The following LIPC variants were observed in gnomAD, a reference collection of about 807,000 sequenced individuals.
LIPC encodes hepatic triacylglycerol lipase.
In LIPC, 44 loss-of-function variants were observed where a neutral mutation model predicts 50.7. The ratio of observed to expected loss-of-function variants is 0.87; its 90% CI spans 0.68 to 1.11. The LOEUF (loss-of-function observed/expected upper bound fraction) is 1.11. Ranked by LOEUF, LIPC falls within the 50% of genes most tolerant of loss-of-function variation. LIPC has a pLI of 0.00. For synonymous variants in LIPC, 271 were observed against 256.4 expected, an observed-to-expected ratio of 1.06 and a Z score of -0.54; for missense variants, 697 against 648.2, an observed-to-expected ratio of 1.08 and a Z score of -0.82.
chr15:58,453,160 T>A (rs1893974294), intron 1 of LIPC, among the ~76,000 whole-genome samples: 1 of 151,986 alleles, frequency 6.6e-6, no homozygotes, highest in African/African-American at 2.4e-5. Context: ...GTATTTCTTC[T>A]CCCCGCTTGG....
intron 6 of LIPC, among the ~76,000 whole-genome samples, chr15:58,550,619 G>C (rs939165285): frequency 6.6e-6 from 1 of 152,060 alleles, no homozygotes; most frequent in Non-Finnish European, 1.5e-5. Context: ...AGGGGGCTCG[G>C]TGGAGACTAA....
chr15:58,542,260 C>G (rs1242753700), intron 3 of LIPC, among the ~76,000 whole-genome samples: 3 of 152,162 alleles, frequency 2.0e-5, no homozygotes, highest in African/African-American at 7.2e-5. Context: ...AGCTATCAAG[C>G]CCCCACACAA....
At chr15:58,530,253 G>A (rs181989272) in intron 1 of LIPC, among the ~76,000 whole-genome samples, 331 of 152,322 alleles carry the variant, frequency 2.2e-3, no homozygotes, top group Non-Finnish European at 3.8e-3. Context: ...CGGCCTGAAG[G>A]AATCAGGGAA....
At chr15:58,505,276 C>T (rs772150454) in intron 1 of LIPC, among the ~76,000 whole-genome samples, 18 of 152,248 alleles carry the variant, frequency 1.2e-4, no homozygotes, top group Non-Finnish European at 2.4e-4. Context: ...CATATGGTCC[C>T]AGCCCCCCTA....
chr15:58,494,527 C>A (rs1891700517), intron 1 of LIPC, among the ~76,000 whole-genome samples: 1 of 152,156 alleles, frequency 6.6e-6, no homozygotes, highest in African/African-American at 2.4e-5. Flanking sequence ...GTGCATTGAA[C>A]AAAGGGAAGT....
intron 1 of LIPC, among the ~76,000 whole-genome samples, chr15:58,433,332 T>C (rs1160726918): frequency 4.6e-5 from 7 of 152,248 alleles, no homozygotes; most frequent in Non-Finnish European, 1.0e-4. Flanking sequence ...AAAGGGCCTC[T>C]ATCATAAATC....
intron 3 of LIPC, among the ~76,000 whole-genome samples, chr15:58,542,333 C>T (rs1366183734): frequency 6.6e-6 from 1 of 152,200 alleles, no homozygotes; most frequent in African/African-American, 2.4e-5. Context: ...CAGGAGGCTG[C>T]AGCTACAAGG....
intron 1 of LIPC, chr15:58,435,175 T>A (rs548300485): frequency 6.6e-6 from 1 of 152,226 alleles, no homozygotes; most frequent in African/African-American, 2.4e-5. Flanking sequence ...ATTTTCCAAA[T>A]AAGTTTTAAA....
intron 1 of LIPC, among the ~76,000 whole-genome samples, chr15:58,479,917 T>G (rs577551940): frequency 1.3e-5 from 2 of 152,276 alleles, no homozygotes; most frequent in African/African-American, 2.4e-5. Context: ...GGGCCTCAGT[T>G]TGCTTCTCTG....
chr15:58,525,464 T>C (rs560662971), intron 1 of LIPC, among the ~76,000 whole-genome samples: 1 of 152,352 alleles, frequency 6.6e-6, no homozygotes, highest in African/African-American at 2.4e-5. Flanking sequence ...CCTTGCTCAC[T>C]GTCATGTTTT....
At chr15:58,511,720 G>C (rs1480057132) in intron 1 of LIPC, among the ~76,000 whole-genome samples, 3 of 152,094 alleles carry the variant, frequency 2.0e-5, no homozygotes, top group African/African-American at 7.2e-5. Context: ...AATTAATCTG[G>C]GATATAGAGA....
intron 1 of LIPC, among the ~76,000 whole-genome samples, chr15:58,502,019 G>T (rs1483442046): frequency 2.0e-5 from 3 of 152,128 alleles, no homozygotes; most frequent in African/African-American, 7.2e-5. Context: ...CTTGAGATGC[G>T]TGGGCCGAGG....
chr15:58,442,695 T>C (rs1009391669), intron 1 of LIPC, among the ~76,000 whole-genome samples: 2 of 152,348 alleles, frequency 1.3e-5, no homozygotes, highest in South Asian at 2.1e-4. Context: ...ATGGGGAAAT[T>C]GTGGCTCAGA....
intron 8 of LIPC, chr15:58,563,970 C>T: frequency 1.9e-6 from 1 of 516,754 alleles, no homozygotes; most frequent in Non-Finnish European, 3.6e-6. Context: ...GCTAACGCTG[C>T]CTGCCTCTGG....
intron 1 of LIPC, among the ~76,000 whole-genome samples, chr15:58,490,382 C>T (rs764794289): frequency 4.6e-5 from 7 of 152,308 alleles, no homozygotes; most frequent in South Asian, 4.1e-4. Flanking sequence ...GTATCTCCTC[C>T]GGCTAATCTG....
chr15:58,466,593 C>T (rs764251359), intron 1 of LIPC, among the ~76,000 whole-genome samples: 8 of 152,316 alleles, frequency 5.3e-5, no homozygotes, highest in Non-Finnish European at 1.0e-4. Context: ...AAACAAGCTG[C>T]GAAGACCAAA....
At chr15:58,564,740 A>G (rs1171593806) in intron 8 of LIPC, among the ~76,000 whole-genome samples, 1 of 151,990 alleles carries the variant, frequency 6.6e-6, no homozygotes, top group African/African-American at 2.4e-5. Context: ...AAAAATAATA[A>G]TAATAATAGA....
intron 1 of LIPC, among the ~76,000 whole-genome samples, chr15:58,490,167 G>A (rs988477070): frequency 6.6e-6 from 1 of 152,132 alleles, no homozygotes; most frequent in Non-Finnish European, 1.5e-5. Flanking sequence ...TTGCTAAAAG[G>A]TCACATGAGT....
At chr15:58,475,765 C>CAA (rs1347260235) in intron 1 of LIPC, among the ~76,000 whole-genome samples, 1 of 152,236 alleles carries the variant, frequency 6.6e-6, no homozygotes, top group African/African-American at 2.4e-5. Flanking sequence ...CAAGTCATGG[C>CAA]AATTAGTCCC....
Sources: allele counts gnomAD v4.1 joint callset (sites outside exome capture counted in the v4.1 genomes callset), GRCh38; gene constraint gnomAD v4.1.1; transcripts MANE v1.5; gene names NCBI Gene and HGNC (gene_info 2026-07-23, HGNC 2026-07-21).